Variants in EPHA6 observed in about 807,000 individuals in gnomAD.
The protein encoded by EPHA6 is EPH receptor A6.
Under a neutral mutation model 112.0 loss-of-function variants are expected in EPHA6, and 50 were observed. That is an observed-to-expected ratio of 0.45 (90% CI 0.36 to 0.56). EPHA6 has a LOEUF of 0.56. EPHA6 is among the 20% of genes least tolerant of loss of function. EPHA6 has a pLI of 0.00. For synonymous variants in EPHA6, 529 were observed against 490.7 expected, an observed-to-expected ratio of 1.08 and a Z score of -1.03; for missense variants, 1,280 against 1,417.4, an observed-to-expected ratio of 0.90 and a Z score of 1.56.
At chr3:97,112,330 A>C (rs9846180) in intron 3 of EPHA6, among the ~76,000 whole-genome samples, 26,545 of 152,080 alleles carry the variant, frequency 0.17, 2,450 homozygotes, top group Non-Finnish European at 0.2. Context: ...ACCATTCATG[A>C]GTTCTGTGAT....
intron 3 of EPHA6, among the ~76,000 whole-genome samples, chr3:97,125,796 A>G (rs1485149298): frequency 6.6e-6 from 1 of 152,216 alleles, no homozygotes; most frequent in Non-Finnish European, 1.5e-5. Context: ...CCCAGGAGAT[A>G]GTCTTAAACA....
At position 97,592,676 on chromosome 3, in the gene EPHA6, T is replaced by C. The variant is rs1284727484; in HGVS notation, c.2451T>C (p.Asn817=). 1.2e-6 allele frequency: 2 copies of C among 1,613,282 alleles called. No individual in the cohort carries two copies. The highest frequency in any genetic ancestry group is 2.2e-5 in the South Asian group (2 of 90,932). ...CPSFLRAGFL[N]SIQAPHPVPG... ...GCTTCCTGAGGGCAGGGTTTTTAAATAGCATCCAGGCCCCGCATCCAGTGC... is the reference window on the plus strand; with the variant it reads ...GCTTCCTGAGGGCAGGGTTTTTAAACAGCATCCAGGCCCCGCATCCAGTGC... The change falls in exon 12 of 18, where the codon AAT becomes AAC. Residue 817 remains asparagine, a synonymous_variant. Transcript: ENST00000389672.
At chr3:97,657,752 A>G (rs1484611151) in intron 14 of EPHA6, among the ~76,000 whole-genome samples, 1 of 151,856 alleles carries the variant, frequency 6.6e-6, no homozygotes, top group African/African-American at 2.4e-5. Flanking sequence ...TGAAAAATGC[A>G]GATTTCCAGT....
intron 1 of EPHA6, among the ~76,000 whole-genome samples, chr3:96,843,912 G>A (rs1015490737): frequency 6.6e-6 from 1 of 151,774 alleles, no homozygotes; most frequent in African/African-American, 2.4e-5. Flanking sequence ...ATATTACTCA[G>A]TAGATATACT....
At chr3:97,171,081 A>G (rs2108427030) in intron 3 of EPHA6, among the ~76,000 whole-genome samples, 1 of 152,314 alleles carries the variant, frequency 6.6e-6, no homozygotes, top group African/African-American at 2.4e-5. Flanking sequence ...ACTAACCAGG[A>G]AAAAATTGTC....
At chr3:97,555,891 G>A (rs1488112171) in intron 11 of EPHA6, among the ~76,000 whole-genome samples, 1 of 152,050 alleles carries the variant, frequency 6.6e-6, no homozygotes, top group East Asian at 1.9e-4. Context: ...TGTTCACTCT[G>A]ATGGTAGTTT....
At chr3:97,170,905 C>A (rs2076682353) in intron 3 of EPHA6, among the ~76,000 whole-genome samples, 1 of 152,200 alleles carries the variant, frequency 6.6e-6, no homozygotes, top group East Asian at 1.9e-4. Context: ...TCCTGGTAAA[C>A]CTATTGTATG....
At chr3:97,498,179 T>C (rs2092027352) in intron 10 of EPHA6, among the ~76,000 whole-genome samples, 1 of 152,148 alleles carries the variant, frequency 6.6e-6, no homozygotes, top group South Asian at 2.1e-4. Context: ...CTTTACCCCG[T>C]TATCTATAAT....
chr3:96,816,078 GTGT>G (rs1377721733), intron 1 of EPHA6, among the ~76,000 whole-genome samples: 1 of 152,180 alleles, frequency 6.6e-6, no homozygotes, highest in Non-Finnish European at 1.5e-5. Flanking sequence ...TGGCTTGAAA[GTGT>G]TCACTTTTTG....
At chr3:97,303,276 T>C (rs1055642695) in intron 5 of EPHA6, among the ~76,000 whole-genome samples, 5 of 151,970 alleles carry the variant, frequency 3.3e-5, no homozygotes, top group Non-Finnish European at 5.9e-5. Flanking sequence ...ATGTGAAATC[T>C]CTCTGGAATA....
At chr3:97,706,523 A>C (rs550693752) in intron 14 of EPHA6, among the ~76,000 whole-genome samples, 19 of 152,292 alleles carry the variant, frequency 1.2e-4, no homozygotes, top group African/African-American at 4.3e-4. Context: ...TGCTGTCTCC[A>C]ACTTCACAAT....
intron 1 of EPHA6, among the ~76,000 whole-genome samples, chr3:96,825,259 A>C (rs1196399849): frequency 3.3e-5 from 5 of 151,484 alleles, no homozygotes; most frequent in African/African-American, 1.2e-4. Context: ...AAGTGATGTG[A>C]CTTGGCTTTT....
intron 5 of EPHA6, among the ~76,000 whole-genome samples, chr3:97,375,959 G>A (rs983708643): frequency 6.6e-6 from 1 of 152,092 alleles, no homozygotes; most frequent in Non-Finnish European, 1.5e-5. Flanking sequence ...CTAATATTTT[G>A]CAGGAATACA....
intron 11 of EPHA6, among the ~76,000 whole-genome samples, chr3:97,554,234 T>G (rs1183647425): frequency 6.6e-6 from 1 of 152,140 alleles, no homozygotes; most frequent in African/African-American, 2.4e-5. Flanking sequence ...CTGTTAAAAT[T>G]ATTATTAAAG....
At chr3:96,938,554 A>G (rs1311023648) in intron 2 of EPHA6, among the ~76,000 whole-genome samples, 7 of 152,204 alleles carry the variant, frequency 4.6e-5, no homozygotes, top group Non-Finnish European at 1.0e-4. Flanking sequence ...TCATCTGCAA[A>G]CAGGGACAAT....
At chr3:97,047,404 G>A (rs990944787) in intron 3 of EPHA6, among the ~76,000 whole-genome samples, 1 of 150,410 alleles carries the variant, frequency 6.6e-6, no homozygotes, top group African/African-American at 2.5e-5. Flanking sequence ...GGAGGCTGAG[G>A]CAGGATAATG....
At chr3:97,426,094 AC>A (rs987024117) in intron 6 of EPHA6, among the ~76,000 whole-genome samples, 1 of 152,152 alleles carries the variant, frequency 6.6e-6, no homozygotes, top group African/African-American at 2.4e-5. Context: ...TCTGCCTGTT[AC>A]CCAGTTCCAA....
intron 5 of EPHA6, among the ~76,000 whole-genome samples, chr3:97,324,449 C>CTTTCTTTCTTTCTT (rs2082299089): frequency 6.9e-5 from 10 of 145,324 alleles, no homozygotes; most frequent in Middle Eastern, 3.5e-3. Context: ...TTCTTTCTTT[C>CTTTCTTTCTTTCTT]TTTCTTTCTT....
At chr3:97,631,765 A>ATCATCTACCAGTTATAGTG (rs1433872249) in intron 13 of EPHA6, among the ~76,000 whole-genome samples, 12 of 151,998 alleles carry the variant, frequency 7.9e-5, no homozygotes, top group Non-Finnish European at 1.3e-4. Context: ...ATAGCAGCTT[A>ATCATCTACCAGTTATAGTG]TCATCTACCA....
Sources: allele counts gnomAD v4.1 joint callset (sites outside exome capture counted in the v4.1 genomes callset), GRCh38; gene constraint gnomAD v4.1.1; transcripts MANE v1.5; gene names NCBI Gene and HGNC (gene_info 2026-07-23, HGNC 2026-07-21).